The following FOXP1 variants were observed in gnomAD, a reference collection of about 807,000 sequenced individuals.
The protein encoded by FOXP1 is forkhead box protein P1.
FOXP1 carries 15 observed loss-of-function variants against 98.2 expected under a neutral mutation model. The ratio of observed to expected loss-of-function variants is 0.15; its 90% CI spans 0.10 to 0.24. The LOEUF (loss-of-function observed/expected upper bound fraction) is 0.24, where lower values mean the gene tolerates loss of function less well. Among genes scored for constraint, FOXP1 ranks in the 10% least tolerant of loss-of-function variants. The pLI, the probability that FOXP1 is intolerant of heterozygous loss-of-function variation, is 1.00. For missense variants in FOXP1, 633 were observed against 848.5 expected (o/e 0.75, Z 3.15); for synonymous variants, 371 against 314.5 (o/e 1.18, Z -1.90).
At chr3:71,514,812 C>G (rs781501993) in intron 2 of FOXP1, among the ~76,000 whole-genome samples, 8 of 152,226 alleles carry the variant, frequency 5.3e-5, no homozygotes, top group Non-Finnish European at 1.0e-4. Flanking sequence ...CAGTCACAAC[C>G]TCAGAATTCA....
intron 6 of FOXP1, among the ~76,000 whole-genome samples, chr3:71,116,217 T>G (rs913025429): frequency 6.6e-6 from 1 of 152,156 alleles, no homozygotes; most frequent in African/African-American, 2.4e-5. Flanking sequence ...AAAAAAGTCA[T>G]GTATAAGTTT....
intron 7 of FOXP1, among the ~76,000 whole-genome samples, chr3:71,070,216 T>C (rs1201329428): frequency 2.6e-5 from 4 of 152,240 alleles, no homozygotes; most frequent in Non-Finnish European, 4.4e-5. Context: ...TAGTGAAATA[T>C]GGCACTTTTA....
intron 13 of FOXP1, among the ~76,000 whole-genome samples, chr3:70,993,056 C>T (rs2040850347): frequency 6.6e-6 from 1 of 152,138 alleles, no homozygotes; most frequent in Non-Finnish European, 1.5e-5. Flanking sequence ...AATAAATTTG[C>T]TAAAGTCTAG....
At chr3:71,539,958 A>T (rs2044656920) in intron 2 of FOXP1, among the ~76,000 whole-genome samples, 1 of 152,230 alleles carries the variant, frequency 6.6e-6, no homozygotes. Context: ...CACACCTAGC[A>T]CATAGTAGAC....
At chr3:71,467,175 G>A (rs893771669) in intron 3 of FOXP1, among the ~76,000 whole-genome samples, 4 of 152,086 alleles carry the variant, frequency 2.6e-5, no homozygotes, top group Admixed American at 6.5e-5. Context: ...ATACATACAC[G>A]TACATGCATA....
intron 18 of FOXP1, chr3:70,971,659 C>T: frequency 5.5e-6 from 1 of 181,082 alleles, no homozygotes; most frequent in Non-Finnish European, 1.1e-5. Context: ...AGAAATCTAC[C>T]CCAATAGTAT....
intron 5 of FOXP1, among the ~76,000 whole-genome samples, chr3:71,214,518 T>C (rs2064766623): frequency 6.6e-6 from 1 of 152,084 alleles, no homozygotes; most frequent in African/African-American, 2.4e-5. Flanking sequence ...AAAGAAACTT[T>C]TGAAAGGGTG....
intron 11 of FOXP1, among the ~76,000 whole-genome samples, chr3:71,025,302 A>C (rs901197143): frequency 6.6e-6 from 1 of 152,058 alleles, no homozygotes; most frequent in Non-Finnish European, 1.5e-5. Context: ...TTTATTACAG[A>C]TATAAATCCG....
intron 11 of FOXP1, 136 bp from the exon 12 acceptor site, chr3:71,015,789 T>C (rs969109447): frequency 1.6e-6 from 1 of 628,652 alleles, no homozygotes; most frequent in Non-Finnish European, 2.9e-6. Context: ...CCCCATCCCA[T>C]GTAATTGACT....
intron 7 of FOXP1, among the ~76,000 whole-genome samples, chr3:71,094,602 T>C (rs183039672): frequency 6.6e-6 from 1 of 152,324 alleles, no homozygotes; most frequent in Admixed American, 6.5e-5. Context: ...CTAAGGCCTG[T>C]TTCCTGATCA....
At chr3:71,281,985 G>A (rs1022180509) in intron 5 of FOXP1, among the ~76,000 whole-genome samples, 2 of 151,616 alleles carry the variant, frequency 1.3e-5, no homozygotes, top group East Asian at 3.9e-4. Flanking sequence ...GTGGGCACCT[G>A]TAATCCCAGC....
chr3:71,248,740 C>CAAAAAAAAA (rs34053081), intron 5 of FOXP1, among the ~76,000 whole-genome samples: 1 of 138,480 alleles, frequency 7.2e-6, no homozygotes. Context: ...GACGTCATCT[C>CAAAAAAAAA]AAAAAAAAAA....
intron 5 of FOXP1, among the ~76,000 whole-genome samples, chr3:71,266,140 T>C (rs776131537): frequency 2.0e-5 from 3 of 152,002 alleles, no homozygotes; most frequent in Admixed American, 1.3e-4. Context: ...AGAGAGTACA[T>C]AGGTGTCTGG....
At chr3:71,477,479 GCTCT>G (rs1284054689) in intron 3 of FOXP1, among the ~76,000 whole-genome samples, 1 of 152,110 alleles carries the variant, frequency 6.6e-6, no homozygotes, top group Non-Finnish European at 1.5e-5. Context: ...TTTTTAAATA[GCTCT>G]CTATTATTTA....
intron 4 of FOXP1, among the ~76,000 whole-genome samples, chr3:71,328,180 G>A (rs896060229): frequency 1.1e-4 from 16 of 152,128 alleles, no homozygotes; most frequent in East Asian, 1.9e-4. Flanking sequence ...CTGTAATCTC[G>A]GCACTTTGGG....
chr3:71,583,555 A>C lies in FOXP1; in HGVS notation c.-447+16T>G, dbSNP rs1368288856. ...TTGGGAAAAAGTGGAGCAGAAATGG[A>C]AAAATACAAACTCACCCGCTGCAAA... On this transcript the variant is annotated intron_variant, in intron 1 of 20. Transcript: ENST00000649528. 2.0e-6 allele frequency: 2 copies of C among 980,606 alleles called. No individual in the cohort carries two copies. Among genetic ancestry groups the C allele is most frequent in the Non-Finnish European group, 2.4e-6 (2 of 829,166 alleles). The allele number at this position is 980,606 out of a possible 1,614,324, so 60.7% of individuals were successfully genotyped here. A position where few individuals can be genotyped will look rare whatever the true frequency, so the allele number is the denominator to read the frequency against.
chr3:71,330,675 T>C (rs1333037759), intron 4 of FOXP1, among the ~76,000 whole-genome samples: 1 of 152,228 alleles, frequency 6.6e-6, no homozygotes, highest in Non-Finnish European at 1.5e-5. Context: ...TAATAAATTA[T>C]GTTACATTCA....
chr3:71,213,561 A>C (rs144371318), intron 5 of FOXP1, among the ~76,000 whole-genome samples: 9,691 of 152,280 alleles, frequency 0.064, 988 homozygotes, highest in African/African-American at 0.21. Flanking sequence ...TCACGCCTGT[A>C]ATCCCAGCAC....
intron 3 of FOXP1, among the ~76,000 whole-genome samples, chr3:71,470,461 C>T (rs547861169): frequency 6.6e-6 from 1 of 152,294 alleles, no homozygotes; most frequent in East Asian, 1.9e-4. Context: ...ACGTTTGAGG[C>T]CGGTGCGGTG....
Sources: gnomAD v4.1 joint callset for allele counts (sites outside exome capture counted in the v4.1 genomes callset) on GRCh38, gnomAD v4.1.1 for gene constraint, MANE v1.5 for transcripts, NCBI Gene and HGNC (gene_info 2026-07-23, HGNC 2026-07-21) for gene names.